HSPG2: variants seen among roughly 807,000 people sequenced by gnomAD.
The protein encoded by HSPG2 is heparan sulfate proteoglycan 2.
In HSPG2, 278 loss-of-function variants were observed where a neutral mutation model predicts 526.6. That is an observed-to-expected ratio of 0.53 (90% CI 0.48 to 0.58). HSPG2 has a LOEUF of 0.58. HSPG2 is among the 20% of genes least tolerant of loss of function. The probability of loss-of-function intolerance (pLI) is 0.00; values close to 1 mark genes in which losing one functional copy is unlikely to be tolerated. For missense variants in HSPG2, 5,354 were observed against 6,099.5 expected, an observed-to-expected ratio of 0.88 and a Z score of 4.07; for synonymous variants, 2,465 against 2,555.4, an observed-to-expected ratio of 0.96 and a Z score of 1.07.
In HSPG2 at chr1:21,904,395, G is replaced by A. The variant is rs1643261361; in HGVS notation, c.64-8085C>T. Among the ~76,000 whole-genome samples the A allele has an allele frequency of 6.6e-6, 1 of 152,212 alleles. No homozygotes were observed. Among genetic ancestry groups the A allele is most frequent in the Admixed American group, 6.5e-5 (1 of 15,288 alleles). On this transcript the variant is annotated intron_variant, in intron 1 of 96. Transcript: ENST00000374695. This position sits in a 1 kb window ranked among gnomAD's most constrained non-coding sequence, Gnocchi z 4.4. The stretch of plus-strand genomic sequence containing the variant: ...CGTTCGCGGGGTGGGAGGAAGCCTG[G>A]TGCAGCGGGACACGCGTGTGAGTGG...
chr1:21,864,930 G>T lies in HSPG2; in HGVS notation c.4539C>A (p.Val1513=). The T allele has an allele frequency of 1.2e-6, 2 of 1,607,374 alleles. No homozygotes were observed. The highest frequency in any genetic ancestry group is 2.2e-5 in the East Asian group (1 of 44,670). The change falls in exon 36 of 97, where the codon GTC becomes GTA. Residue 1513 remains valine, a synonymous_variant. Coordinates refer to ENST00000374695, the MANE Select transcript of HSPG2 (RefSeq NM_005529.7). This position sits in a 1 kb window ranked among gnomAD's most constrained non-coding sequence, Gnocchi z 4.8. ...AASISAVSLE[V]AQPGPSNRPR... ...GTCTGTTTGAGGGCCCCGGCTGGGC[G>T]ACCTCCAGGCTGACTGCGCTGATGC... is the stretch of plus-strand genomic sequence containing the variant.
At chr1:21,877,780 G>A (rs1023135885) in intron 21 of HSPG2, among the ~76,000 whole-genome samples, 17 of 152,204 alleles carry the variant, frequency 1.1e-4, no homozygotes, top group Non-Finnish European at 2.1e-4. Context: ...TTACAGGCGT[G>A]AGCCACTGCG....
rs1192551942 is a variant in HSPG2, at chr1:21,904,145, G to A, written c.64-7835C>T. On this transcript the variant is annotated intron_variant, in intron 1 of 96. Transcript: ENST00000374695. This position sits in a 1 kb window ranked among gnomAD's most constrained non-coding sequence, Gnocchi z 4.4. ...CACGGAACCACGTGCTGGCAACACC[G>A]TGCGAAGAGAGTGCTGAAGGGGAAG... 6.6e-6 allele frequency among the ~76,000 whole-genome samples: 1 copy of A among 152,166 alleles called. No homozygotes were observed. The highest frequency in any genetic ancestry group is 1.5e-5 in the Non-Finnish European group (1 of 68,032).
Position 21,875,931 on chromosome 1 carries a change from G to A in HSPG2, c.3115C>T (p.Leu1039=). Residue 1039 remains leucine (L), a synonymous_variant, in exon 24 of 97, where the codon CTA becomes TTA. Transcript: ENST00000374695. ...LVVLQGNNII[L]EHHVAQEPSP... ...GGCTCCTGGGCCACATGGTGCTCTA[G>A]GATGATGTTGTTACCTTGCAGCACC... The A allele has an allele frequency of 6.2e-7, 1 of 1,614,206 alleles. No homozygotes were observed. Among genetic ancestry groups the A allele is most frequent in the Non-Finnish European group, 8.5e-7 (1 of 1,180,030 alleles).
At position 21,848,082 on chromosome 1, in the gene HSPG2, G is replaced by T; in HGVS notation, c.7749C>A (p.Ser2583=). 6.2e-7 allele frequency: 1 copy of T among 1,604,412 alleles called. No individual in the cohort carries two copies. The change falls in exon 60 of 97, where the codon TCC becomes TCA. Residue 2583 remains serine, a synonymous_variant. Transcript: ENST00000374695. The surrounding 1 kb of genome is among the most constrained non-coding windows in gnomAD (Gnocchi z 4.9). ...SLPSRHQIVG[S]RLRIPQVTPA... ...GAGTCACCTGAGGGATCCGCAGCCG[G>T]GAGCCCACGATCTGCAGGAAGCAGA...
rs150650673 is a variant in HSPG2 at position 21,879,030 on chromosome 1, C to T, written c.2435G>A (p.Arg812Gln). The T allele has an allele frequency of 1.8e-4, 290 of 1,614,158 alleles. No homozygotes were observed. Among genetic ancestry groups the T allele is most frequent in the Non-Finnish European group, 2.3e-4 (266 of 1,180,032 alleles). ...DAMKATATSCRPCPCPYIDAS... is the reference protein window; with the variant it reads ...DAMKATATSCQPCPCPYIDAS... Reference sequence around the variant, plus strand: ...ATCGATGTATGGGCAAGGGCAGGGCCGGCAGGAAGTGGCCGTGGCCTTCAT... The same window carrying T: ...ATCGATGTATGGGCAAGGGCAGGGCTGGCAGGAAGTGGCCGTGGCCTTCAT... The change falls in exon 18 of 97, where the codon CGG becomes CAG. Residue 812 changes from arginine (R) to glutamine (Q), a missense_variant. By Grantham distance (43) the Arg-to-Gln change is conservative. Transcript: ENST00000374695.
chr1:21,823,954 C>A, intron 95 of HSPG2, 167 bp downstream of exon 95: 2 of 796,674 alleles, frequency 2.5e-6, no homozygotes, highest in South Asian at 1.5e-5. Flanking sequence ...CAGCGGAGTT[C>A]AGTCCGAGAT....
In HSPG2 at chr1:21,829,608, C is replaced by T. The variant is rs1358758601; in HGVS notation, c.11771-4G>A. On this transcript the variant is annotated splice_region_variant and splice_polypyrimidine_tract_variant and intron_variant, in intron 86 of 96. Coordinates refer to ENST00000374695, the MANE Select transcript of HSPG2 (RefSeq NM_005529.7). ...GAGGGGGTGGTCACTGTCACACCTG[C>T]AGCAGCCACAGCTCAGCTGAGGCAG... 3.1e-6 allele frequency: 5 copies of T among 1,600,122 alleles called. No homozygotes were observed. In the African/African-American group the frequency reaches 6.7e-5, roughly 21 times the overall value.
chr1:21,878,612 G>A lies in HSPG2; in HGVS notation c.2523C>T (p.Ala841=). The change falls in exon 19 of 97, where the codon GCC becomes GCT. Residue 841 remains alanine, a synonymous_variant. Coordinates refer to ENST00000374695, the MANE Select transcript of HSPG2 (RefSeq NM_005529.7). ...GGCGGCCAGTGTAGCCTGGGGCACA[G>A]GCGTCACATGTGGCTTGGCCATCCG... ...LDTDGQATCD[A]CAPGYTGRRC... is the part of the protein sequence containing the mutation. 1 of 1,614,158 alleles carries A rather than the reference G, an allele frequency of 6.2e-7. No homozygotes were observed.
At chr1:21,876,983 C>T (rs748075220) in intron 21 of HSPG2, among the ~76,000 whole-genome samples, 4 of 138,518 alleles carry the variant, frequency 2.9e-5, no homozygotes, top group Non-Finnish European at 4.5e-5. Context: ...TGTTTGAAAC[C>T]GGGAGGTGGA....
intron 6 of HSPG2, among the ~76,000 whole-genome samples, 198 bp from the exon 7 acceptor site, chr1:21,888,264 TC>T (rs1316273331): frequency 6.6e-6 from 1 of 152,022 alleles, no homozygotes; most frequent in African/African-American, 2.4e-5. Flanking sequence ...GGCAGTGGCC[TC>T]CCCCATCTCT....
intron 1 of HSPG2, among the ~76,000 whole-genome samples, chr1:21,935,339 G>A (rs1644461203): frequency 6.6e-6 from 1 of 152,218 alleles, no homozygotes; most frequent in South Asian, 2.1e-4. Flanking sequence ...CACAGGATTG[G>A]AGCTGCCTGT....
intron 1 of HSPG2, among the ~76,000 whole-genome samples, chr1:21,905,272 CA>C (rs1557816292): frequency 1.3e-5 from 2 of 151,868 alleles, no homozygotes; most frequent in Non-Finnish European, 2.9e-5. Flanking sequence ...CACACACACA[CA>C]CACACACGCC....
Position 21,847,506 on chromosome 1 carries a change from T to A in HSPG2, c.8026-14A>T. The A allele has an allele frequency of 6.2e-7, 1 of 1,613,496 alleles. No individual in the cohort carries two copies. ...GGAGCCATGGGTCTGGACGTGCGGA[T>A]GGGGAAGGAGAGGGAGAGGGAGTGG... On this transcript the variant is annotated splice_polypyrimidine_tract_variant and intron_variant, in intron 61 of 96. Transcript: ENST00000374695. This position sits in a 1 kb window ranked among gnomAD's most constrained non-coding sequence, Gnocchi z 4.1.
rs764410384 is a variant in HSPG2 at position 21,854,988 on chromosome 1, C to G, written c.5998-5G>C. On this transcript the variant is annotated splice_region_variant and splice_polypyrimidine_tract_variant and intron_variant, in intron 47 of 96. Transcript: ENST00000374695. The stretch of plus-strand genomic sequence containing the variant: ...GTCTGTGCGCTCTGACCGGGCCTGC[C>G]GTGGGTGAGATGGGTCAGCTGCCCC... The G allele has an allele frequency of 9.3e-6, 15 of 1,611,990 alleles. No individual in the cohort carries two copies. The highest frequency in any genetic ancestry group is 1.1e-5 in the Non-Finnish European group (13 of 1,179,970).
intron 1 of HSPG2, among the ~76,000 whole-genome samples, chr1:21,935,677 G>A (rs116180010): frequency 9.6e-4 from 147 of 152,344 alleles, no homozygotes; most frequent in African/African-American, 3.3e-3. Flanking sequence ...GGGCATGGAG[G>A]AGCCCCTCAT....
chr1:21,853,089 C>T lies in HSPG2; in HGVS notation c.6440-19G>A, dbSNP rs1378494138. 6.2e-7 allele frequency: 1 copy of T among 1,613,406 alleles called. No individual in the cohort carries two copies. Among genetic ancestry groups the T allele is most frequent in the Non-Finnish European group, 8.5e-7 (1 of 1,179,860 alleles). ...CCGGGCACTGGACACAGAGCGGCTG[C>T]TCAGAGGCCTGAACTCTTGGGCTGT... On this transcript the variant is annotated intron_variant, in intron 50 of 96. Coordinates refer to ENST00000374695, the MANE Select transcript of HSPG2 (RefSeq NM_005529.7).
At chr1:21,871,521 CA>C (rs754885043) in intron 33 of HSPG2, among the ~76,000 whole-genome samples, 13 of 152,144 alleles carry the variant, frequency 8.5e-5, no homozygotes, top group Non-Finnish European at 1.9e-4. Flanking sequence ...CTCAGCCTTC[CA>C]AAGTGCTGGA....
chr1:21,930,041 T>C (rs1557840955), intron 1 of HSPG2, among the ~76,000 whole-genome samples: 1 of 152,146 alleles, frequency 6.6e-6, no homozygotes, highest in Non-Finnish European at 1.5e-5. Context: ...GTCCTTCCCA[T>C]GGCCAAAGCT....
Sources: allele counts gnomAD v4.1 joint callset (sites outside exome capture counted in the v4.1 genomes callset), GRCh38; gene constraint gnomAD v4.1.1; non-coding constraint Gnocchi (gnomAD v3.1); transcripts MANE v1.5; gene names NCBI Gene and HGNC (gene_info 2026-07-23, HGNC 2026-07-21).